Variants in ALKBH8 observed in about 807,000 individuals in gnomAD.
The protein encoded by ALKBH8 is tRNA (carboxymethyluridine(34)-5-O)-methyltransferase ALKBH8.
In ALKBH8, 36 loss-of-function variants were observed where a neutral mutation model predicts 59.8. The ratio of observed to expected loss-of-function variants is 0.60; its 90% CI spans 0.46 to 0.79. The LOEUF is 0.79. Ranked by LOEUF, ALKBH8 falls within the 30% of genes least tolerant of loss-of-function variation. The probability of loss-of-function intolerance (pLI) is 0.00; values close to 1 mark genes in which losing one functional copy is unlikely to be tolerated. For missense variants in ALKBH8, 768 were observed against 801.0 expected (o/e 0.96, Z 0.50); for synonymous variants, 276 against 273.6 (o/e 1.01, Z -0.09).
intron 7 of ALKBH8, among the ~76,000 whole-genome samples, chr11:107,534,135 AAAAT>A (rs939424999): frequency 2.0e-5 from 3 of 152,154 alleles, no homozygotes; most frequent in Admixed American, 6.6e-5. Flanking sequence ...GTCTCACCAA[AAAAT>A]AAATAAATAA....
chr11:107,545,538 A>G (rs1195689418), intron 7 of ALKBH8, among the ~76,000 whole-genome samples: 1 of 152,214 alleles, frequency 6.6e-6, no homozygotes. Flanking sequence ...GGCCTTCTAT[A>G]GCAAACATTC....
chr11:107,525,448 A>C lies in ALKBH8; in HGVS notation c.1023T>G (p.Cys341Trp). Residue 341 changes from cysteine to tryptophan, a missense_variant, in exon 9 of 12, where the codon TGT becomes TGG. By Grantham distance (215) the Cys-to-Trp change is radical. Transcript: ENST00000428149. The stretch of plus-strand genomic sequence containing the variant: ...ATAAGAGTATATACTTACTACAGTT[A>C]CAAGGTGTTTGCCTCACTTTCCTAA... ...FTFRKVRQTP[C>W]NCSYPLVCDS... 6.5e-7 allele frequency: 1 copy of C among 1,545,006 alleles called. No homozygotes were observed. Among genetic ancestry groups the C allele is most frequent in the Middle Eastern group, 1.7e-4 (1 of 5,970 alleles).
At chr11:107,530,620 C>G (rs1326102076) in intron 8 of ALKBH8, among the ~76,000 whole-genome samples, 1 of 86,436 alleles carries the variant, frequency 1.2e-5, no homozygotes, top group South Asian at 5.6e-4. Flanking sequence ...CACACACACA[C>G]ACACACACAC....
intron 10 of ALKBH8, among the ~76,000 whole-genome samples, chr11:107,520,877 C>T (rs1055746085): frequency 5.9e-5 from 9 of 152,068 alleles, no homozygotes; most frequent in Admixed American, 6.6e-5. Context: ...CAAGCAACCC[C>T]AGGTCAAAAT....
intron 7 of ALKBH8, among the ~76,000 whole-genome samples, chr11:107,546,661 A>T (rs1864270757): frequency 6.6e-6 from 1 of 152,174 alleles, no homozygotes; most frequent in South Asian, 2.1e-4. Flanking sequence ...TTTGCCTTGT[A>T]ATCATTTTTA....
intron 10 of ALKBH8, among the ~76,000 whole-genome samples, chr11:107,517,694 T>C (rs1376723930): frequency 1.3e-5 from 2 of 152,196 alleles, no homozygotes; most frequent in East Asian, 1.9e-4. Context: ...TCACTCATAC[T>C]TGGAATCCAA....
chr11:107,508,096 A>G (rs182745594), intron 11 of ALKBH8, among the ~76,000 whole-genome samples: 28 of 152,068 alleles, frequency 1.8e-4, no homozygotes, highest in African/African-American at 6.8e-4. Flanking sequence ...TATGAGCTCT[A>G]TGAAGCAGGG....
chr11:107,550,671 A>G (rs1298463602), intron 6 of ALKBH8, among the ~76,000 whole-genome samples: 1 of 152,230 alleles, frequency 6.6e-6, no homozygotes, highest in Non-Finnish European at 1.5e-5. Flanking sequence ...TAAAGCCATC[A>G]GTTTTCATTA....
chr11:107,506,310 A>C (rs557352136), intron 11 of ALKBH8, among the ~76,000 whole-genome samples: 2 of 152,310 alleles, frequency 1.3e-5, no homozygotes, highest in East Asian at 3.9e-4. Flanking sequence ...AACTTCCTTC[A>C]GAGAAAAAGT....
chr11:107,524,998 A>C (rs1333205805), intron 9 of ALKBH8, among the ~76,000 whole-genome samples: 2 of 152,190 alleles, frequency 1.3e-5, no homozygotes, highest in African/African-American at 4.8e-5. Context: ...ACTAAAACAT[A>C]AACTGTCGCT....
At chr11:107,546,056 C>G (rs949419735) in intron 7 of ALKBH8, among the ~76,000 whole-genome samples, 1 of 152,114 alleles carries the variant, frequency 6.6e-6, no homozygotes, top group Non-Finnish European at 1.5e-5. Context: ...GTGACTCATT[C>G]TTTGTTCTAA....
At chr11:107,540,233 A>G (rs571424261) in intron 7 of ALKBH8, among the ~76,000 whole-genome samples, 54 of 152,320 alleles carry the variant, frequency 3.5e-4, no homozygotes, top group African/African-American at 1.3e-3. Context: ...CAAAAAGTTA[A>G]AAAGAAAACA....
Position 107,551,912 on chromosome 11 carries a change from C to A in ALKBH8, c.596G>T (p.Gly199Val). 2 of 1,470,442 alleles carry A rather than the reference C, an allele frequency of 1.4e-6. No homozygotes were observed. The highest frequency in any genetic ancestry group is 1.8e-6 in the Non-Finnish European group (2 of 1,106,160). The allele number at this position is 1,470,442 out of a possible 1,614,324, so 91.1% of individuals were successfully genotyped here. Residue 199 changes from glycine to valine, a missense_variant and splice_region_variant, in exon 6 of 12, where the codon GGT (glycine) becomes GTT (valine). Physicochemically the swap from Gly to Val is moderately radical, Grantham distance 109 (BLOSUM62 -3). Transcript: ENST00000428149. ...AAAGCTTTCACAAATGTCAGGAAGA[C>A]CTACAATGAGTAATCATAAAGACAA... The part of the protein sequence containing the change: ...NVDKDKPLSG[G>V]LPDICESFLE...
chr11:107,553,068 T>A, intron 5 of ALKBH8, 40 bp downstream of exon 5: 1 of 1,283,858 alleles, frequency 7.8e-7, no homozygotes, highest in Non-Finnish European at 1.1e-6. Flanking sequence ...TATATTAATA[T>A]TTTTGAGCCA....
intron 10 of ALKBH8, among the ~76,000 whole-genome samples, chr11:107,514,007 A>G (rs1452724212): frequency 6.6e-6 from 1 of 152,228 alleles, no homozygotes; most frequent in African/African-American, 2.4e-5. Flanking sequence ...CAATTTACCT[A>G]TATAACAAAC....
chr11:107,509,164 C>T (rs761702130), intron 11 of ALKBH8, among the ~76,000 whole-genome samples: 36 of 152,154 alleles, frequency 2.4e-4, no homozygotes, highest in Non-Finnish European at 4.6e-4. Flanking sequence ...ACATCCTTGC[C>T]AACACTTGTT....
Position 107,522,511 on chromosome 11 carries a change from AG to A in ALKBH8, c.1074del (p.Ser359HisfsTer43). The A allele has an allele frequency of 1.3e-6, 2 of 1,551,594 alleles. No individual in the cohort carries two copies. The highest frequency in any genetic ancestry group is 1.7e-6 in the Non-Finnish European group (2 of 1,146,946). On this transcript the variant is annotated frameshift_variant, in exon 10 of 12. Coordinates refer to ENST00000428149, the MANE Select transcript of ALKBH8 (RefSeq NM_138775.3). LOFTEE classifies it high-confidence loss of function. Reference protein sequence around the residue: ...VCDSQRKETPPSFPESDKEAS... With the variant: ...VCDSQRKETPXSFPESDKEAS... Reference sequence around the variant, plus strand: ...GCTTCTTTATCACTCTCTGGAAATGAGGGGGGAGTCTCTTTCCTCTGGCTAT... The same window carrying A: ...GCTTCTTTATCACTCTCTGGAAATGAGGGGGAGTCTCTTTCCTCTGGCTAT...
At chr11:107,535,493 T>C (rs1863777392) in intron 7 of ALKBH8, among the ~76,000 whole-genome samples, 1 of 152,210 alleles carries the variant, frequency 6.6e-6, no homozygotes, top group African/African-American at 2.4e-5. Context: ...TGATTTGCAT[T>C]TCCCTGATAA....
intron 10 of ALKBH8, among the ~76,000 whole-genome samples, chr11:107,512,473 C>A (rs182691045): frequency 6.6e-6 from 1 of 151,874 alleles, no homozygotes; most frequent in Non-Finnish European, 1.5e-5. Context: ...ACCACCATGC[C>A]CAGCATTTGT....
Sources: allele counts gnomAD v4.1 joint callset (sites outside exome capture counted in the v4.1 genomes callset), GRCh38; gene constraint gnomAD v4.1.1; transcripts MANE v1.5; gene names NCBI Gene and HGNC (gene_info 2026-07-23, HGNC 2026-07-21).